SPAST: variants seen among roughly 807,000 people sequenced by gnomAD.
SPAST encodes spastin, also known as spastic paraplegia 4 (autosomal dominant; spastin).
A neutral mutation model predicts 76.6 loss-of-function variants in SPAST; 30 were observed. The observed-to-expected ratio is 0.39, with a 90% CI of 0.29 to 0.53. The LOEUF is 0.53. SPAST is among the 20% of genes least tolerant of loss of function. The probability of loss-of-function intolerance (pLI) is 0.68; values close to 1 mark genes in which losing one functional copy is unlikely to be tolerated. For synonymous variants in SPAST, 305 were observed against 281.0 expected, an observed-to-expected ratio of 1.09 and a Z score of -0.86; for missense variants, 717 against 770.5, an observed-to-expected ratio of 0.93 and a Z score of 0.82.
chr2:32,075,115 A>T (rs1240513301), intron 1 of SPAST, among the ~76,000 whole-genome samples: 1 of 152,098 alleles, frequency 6.6e-6, no homozygotes, highest in African/African-American at 2.4e-5. Context: ...ATGGGGAAGA[A>T]CGAGAGGTAT....
chr2:32,132,993 C>T (rs1276940639), intron 9 of SPAST, among the ~76,000 whole-genome samples: 1 of 151,940 alleles, frequency 6.6e-6, no homozygotes, highest in African/African-American at 2.4e-5. Flanking sequence ...TTGCGGTGAG[C>T]CGAGATTGCG....
At chr2:32,107,289 G>T (rs1678361142) in intron 4 of SPAST, among the ~76,000 whole-genome samples, 1 of 151,940 alleles carries the variant, frequency 6.6e-6, no homozygotes, top group Non-Finnish European at 1.5e-5. Context: ...CTGGAGTGCG[G>T]TGGCGCAATC....
chr2:32,090,286 A>T (rs1677658608), intron 3 of SPAST, among the ~76,000 whole-genome samples: 1 of 152,234 alleles, frequency 6.6e-6, no homozygotes, highest in Non-Finnish European at 1.5e-5. Context: ...AATAGTTGAT[A>T]CAGAGACAAC....
chr2:32,137,031 C>A, intron 11 of SPAST, 63 bp downstream of exon 11: 3 of 1,534,118 alleles, frequency 2.0e-6, no homozygotes, highest in Non-Finnish European at 2.7e-6. Context: ...TATTAAATGG[C>A]CAAGGTTAAA....
intron 1 of SPAST, among the ~76,000 whole-genome samples, chr2:32,087,260 A>T (rs1482243495): frequency 6.6e-6 from 1 of 152,208 alleles, no homozygotes; most frequent in African/African-American, 2.4e-5. Flanking sequence ...CCATGGGCTG[A>T]TAAGCAAAAT....
intron 16 of SPAST, among the ~76,000 whole-genome samples, chr2:32,150,239 ATTTTTTTTTTTTT>A (rs11363493): frequency 6.0e-5 from 4 of 66,570 alleles, no homozygotes; most frequent in Admixed American, 2.2e-4. Flanking sequence ...CGCCCAGCTA[ATTTTTTTTTTTTT>A]TTTTTTTTTT....
At chr2:32,096,454 TG>T (rs1677918227) in intron 3 of SPAST, among the ~76,000 whole-genome samples, 1 of 151,956 alleles carries the variant, frequency 6.6e-6, no homozygotes, top group Non-Finnish European at 1.5e-5. Context: ...GAAAAAATAT[TG>T]GAGCAGTTTC....
chr2:32,151,631 C>T (rs536880094), intron 16 of SPAST, among the ~76,000 whole-genome samples: 1 of 152,232 alleles, frequency 6.6e-6, no homozygotes, highest in African/African-American at 2.4e-5. Flanking sequence ...CCAACTTGGT[C>T]GCACACAGTG....
chr2:32,092,586 T>C (rs1420862499), intron 3 of SPAST, among the ~76,000 whole-genome samples: 3 of 152,214 alleles, frequency 2.0e-5, no homozygotes, highest in Admixed American at 1.3e-4. Context: ...AGATATGTAA[T>C]GTAATATGAA....
Position 32,108,640 on chromosome 2 carries a change from G to A in SPAST, c.683-5998G>A, listed in dbSNP as rs78140227. 4.6e-4 allele frequency among the ~76,000 whole-genome samples: 69 copies of A among 151,464 alleles called. No individual in the cohort carries two copies. In the East Asian group the frequency reaches 0.011, roughly 24 times the overall value. On this transcript the variant is annotated intron_variant, in intron 4 of 16. Coordinates refer to ENST00000315285, the MANE Select transcript of SPAST (RefSeq NM_014946.4). ...TAATTTTTGTATTTTTTGTAGAGAT[G>A]GGGTTTCCCCATGTTGGCCAGTCTG...
chr2:32,096,664 A>C (rs1677927989), intron 3 of SPAST, among the ~76,000 whole-genome samples: 1 of 151,948 alleles, frequency 6.6e-6, no homozygotes. Flanking sequence ...TAAGAATATA[A>C]TTTCTTTCTT....
intron 9 of SPAST, chr2:32,130,527 T>C (rs1679335560): frequency 6.6e-6 from 1 of 152,122 alleles, no homozygotes; most frequent in African/African-American, 2.4e-5. Flanking sequence ...AAAACCAGCC[T>C]GGCCAACATT....
intron 1 of SPAST, among the ~76,000 whole-genome samples, chr2:32,082,747 A>G (rs1677290693): frequency 6.6e-6 from 1 of 151,880 alleles, no homozygotes; most frequent in Non-Finnish European, 1.5e-5. Flanking sequence ...ACTGCATGTC[A>G]TATATAAATG....
chr2:32,140,484 T>C (rs1463670151), intron 12 of SPAST, among the ~76,000 whole-genome samples: 1 of 151,826 alleles, frequency 6.6e-6, no homozygotes, highest in Non-Finnish European at 1.5e-5. Context: ...ATTAGCTGGG[T>C]GTGGTCACAC....
At chr2:32,141,034 A>C (rs1679704039) in intron 12 of SPAST, among the ~76,000 whole-genome samples, 1 of 151,036 alleles carries the variant, frequency 6.6e-6, no homozygotes, top group South Asian at 2.1e-4. Context: ...TTTCTTGGAA[A>C]ACCTAGTTTT....
intron 1 of SPAST, among the ~76,000 whole-genome samples, chr2:32,064,740 C>A (rs1676441179): frequency 6.6e-6 from 1 of 152,206 alleles, no homozygotes; most frequent in Admixed American, 6.5e-5. Context: ...CATATGACTG[C>A]AGTTGAATTT....
chr2:32,103,409 A>G (rs1365338028), intron 4 of SPAST, among the ~76,000 whole-genome samples: 2 of 152,114 alleles, frequency 1.3e-5, no homozygotes, highest in African/African-American at 2.4e-5. Flanking sequence ...GATCTTTTCA[A>G]AAAACCAGCT....
intron 1 of SPAST, among the ~76,000 whole-genome samples, chr2:32,071,624 G>A (rs1483029217): frequency 1.3e-5 from 2 of 152,142 alleles, no homozygotes; most frequent in Non-Finnish European, 1.5e-5. Context: ...CATGTAAGAT[G>A]TACATTGGTT....
chr2:32,098,305 A>C (rs1677997548), intron 3 of SPAST, among the ~76,000 whole-genome samples: 1 of 152,058 alleles, frequency 6.6e-6, no homozygotes, highest in South Asian at 2.1e-4. Flanking sequence ...GTCTCTACAA[A>C]AAATAAATTA....
Sources: allele counts gnomAD v4.1 joint callset (sites outside exome capture counted in the v4.1 genomes callset), GRCh38; gene constraint gnomAD v4.1.1; transcripts MANE v1.5; gene names NCBI Gene and HGNC (gene_info 2026-07-23, HGNC 2026-07-21).